Variants in HERC1 observed in about 807,000 individuals in gnomAD.
The protein encoded by HERC1 is probable E3 ubiquitin-protein ligase HERC1.
In HERC1, 160 loss-of-function variants were observed where a neutral mutation model predicts 554.3. The ratio of observed to expected loss-of-function variants is 0.29; its 90% CI spans 0.25 to 0.33. The LOEUF (loss-of-function observed/expected upper bound fraction) is 0.33. Among genes scored for constraint, HERC1 ranks in the 10% least tolerant of loss-of-function variants. The probability of loss-of-function intolerance (pLI) is 1.00; values close to 1 mark genes in which losing one functional copy is unlikely to be tolerated. For synonymous variants in HERC1, 2,175 were observed against 2,131.7 expected, an observed-to-expected ratio of 1.02 and a Z score of -0.56; for missense variants, 4,919 against 5,918.5, an observed-to-expected ratio of 0.83 and a Z score of 5.54.
intron 1 of HERC1, among the ~76,000 whole-genome samples, chr15:63,785,370 A>T (rs2076407474): frequency 6.6e-6 from 1 of 152,216 alleles, no homozygotes; most frequent in African/African-American, 2.4e-5. Context: ...GTGAGCTATA[A>T]GTGCACCACT....
chr15:63,643,317 G>A (rs1408460843), intron 58 of HERC1, 87 bp downstream of exon 58: 1 of 1,181,890 alleles, frequency 8.5e-7, no homozygotes, highest in Non-Finnish European at 1.2e-6. Context: ...TATATAAAAT[G>A]TTTCTACAAT....
chr15:63,791,925 A>T (rs759712973), intron 1 of HERC1, among the ~76,000 whole-genome samples: 3 of 152,240 alleles, frequency 2.0e-5, no homozygotes, highest in Non-Finnish European at 4.4e-5. Flanking sequence ...TCAAAAACAA[A>T]ATCACTGATT....
At chr15:63,646,699 T>C (rs189683904) in intron 55 of HERC1, among the ~76,000 whole-genome samples, 1 of 151,020 alleles carries the variant, frequency 6.6e-6, no homozygotes, top group African/African-American at 2.4e-5. Context: ...TCCCAGCTAC[T>C]CAGGAGGCTG....
Position 63,745,650 on chromosome 15 carries a change from T to C in HERC1, c.2520+1268A>G, listed in dbSNP as rs190180094. 1.1e-3 allele frequency among the ~76,000 whole-genome samples: 172 copies of C among 152,348 alleles called. 1 individual carries two copies. The highest frequency in any genetic ancestry group is 4.1e-3 in the African/African-American group (170 of 41,590). On this transcript the variant is annotated intron_variant, in intron 12 of 77. Transcript: ENST00000443617. ...GCAGGGGGAGGAGTGGCACTGCCTA[T>C]TCAGGACTGTTTTTTCTATCTCTTC...
At chr15:63,626,718 C>T (rs1261629026) in intron 70 of HERC1, among the ~76,000 whole-genome samples, 1 of 152,180 alleles carries the variant, frequency 6.6e-6, no homozygotes, top group Non-Finnish European at 1.5e-5. Flanking sequence ...CACAGCTACC[C>T]TCCTATAAAA....
rs188065121 is a variant in HERC1, at chr15:63,761,339, G to A, written c.1026+2757C>T. On this transcript the variant is annotated intron_variant, in intron 3 of 77. Transcript: ENST00000443617. ...TCACGTCTGTAATACCAGTACTTTG[G>A]GAGCCCGAGGTAGAAGGATCACTTG... Among the ~76,000 whole-genome samples, 196 of 152,218 alleles carry A rather than the reference G, an allele frequency of 1.3e-3. 3 individuals carry two copies. The highest frequency in any genetic ancestry group is 0.012 in the Admixed American group (180 of 15,282).
Position 63,770,378 on chromosome 15 carries a change from T to C in HERC1, c.930+4316A>G, listed in dbSNP as rs1179924066. 2.0e-5 allele frequency among the ~76,000 whole-genome samples: 3 copies of C among 152,164 alleles called. No individual in the cohort carries two copies. The East Asian group carries it at 5.8e-4, about 29-fold the overall frequency. On this transcript the variant is annotated intron_variant, in intron 2 of 77. Coordinates refer to ENST00000443617, the MANE Select transcript of HERC1 (RefSeq NM_003922.4). ...TCTACTATAGCCCATTATCATTAATTTGAAATGTCTGTGCATCCCTCTTTC... is the reference window on the plus strand; with the variant it reads ...TCTACTATAGCCCATTATCATTAATCTGAAATGTCTGTGCATCCCTCTTTC...
intron 6 of HERC1, among the ~76,000 whole-genome samples, chr15:63,754,889 C>T (rs762622478): frequency 2.6e-5 from 4 of 152,192 alleles, no homozygotes; most frequent in African/African-American, 4.8e-5. Context: ...CCCCTCACAG[C>T]ACTTACCTTG....
intron 1 of HERC1, among the ~76,000 whole-genome samples, chr15:63,821,002 G>A (rs1375468897): frequency 2.0e-5 from 3 of 152,130 alleles, no homozygotes; most frequent in South Asian, 2.1e-4. Flanking sequence ...TAGCACACTC[G>A]ATGAACAATT....
At chr15:63,649,650 A>C (rs986202617) in intron 54 of HERC1, 75 bp downstream of exon 54, 1 of 1,216,470 alleles carries the variant, frequency 8.2e-7, no homozygotes, top group African/African-American at 1.5e-5. Context: ...GTATTTTTAA[A>C]AGCAAATGCC....
intron 24 of HERC1, among the ~76,000 whole-genome samples, chr15:63,707,374 C>G (rs1349957329): frequency 6.6e-6 from 1 of 152,056 alleles, no homozygotes; most frequent in Non-Finnish European, 1.5e-5. Flanking sequence ...TTACAATAGA[C>G]AAATCTCAAA....
intron 51 of HERC1, among the ~76,000 whole-genome samples, chr15:63,653,566 T>C (rs906132864): frequency 6.6e-6 from 1 of 152,212 alleles, no homozygotes; most frequent in African/African-American, 2.4e-5. Flanking sequence ...CTGTGGGTGA[T>C]TGGTTCCATG....
intron 21 of HERC1, 129 bp from the exon 22 acceptor site, chr15:63,716,602 C>T (rs967155724): frequency 1.6e-5 from 11 of 675,160 alleles, no homozygotes; most frequent in African/African-American, 7.4e-5. Context: ...AACTTTACTA[C>T]AAAAACCCAA....
chr15:63,816,950 C>T (rs1424822456), intron 1 of HERC1, among the ~76,000 whole-genome samples: 1 of 152,090 alleles, frequency 6.6e-6, no homozygotes, highest in East Asian at 1.9e-4. Flanking sequence ...ACAAAAATCA[C>T]TCCTATGAAG....
chr15:63,617,133 T>C (rs1259251552), intron 74 of HERC1, among the ~76,000 whole-genome samples: 2 of 152,142 alleles, frequency 1.3e-5, no homozygotes, highest in Admixed American at 1.3e-4. Flanking sequence ...TAACATTAGG[T>C]ATATCTCCTA....
At chr15:63,787,290 G>A (rs915354654) in intron 1 of HERC1, among the ~76,000 whole-genome samples, 1 of 151,584 alleles carries the variant, frequency 6.6e-6, no homozygotes, top group African/African-American at 2.4e-5. Flanking sequence ...CCGAGTAGGT[G>A]GGACTACAGG....
chr15:63,670,587 TGA>T (rs1394095742), intron 39 of HERC1, among the ~76,000 whole-genome samples: 2 of 151,994 alleles, frequency 1.3e-5, no homozygotes, highest in Non-Finnish European at 2.9e-5. Flanking sequence ...ACAGAAGAAA[TGA>T]GGAGTCATAA....
chr15:63,619,935 C>A (rs1205241578), intron 74 of HERC1, among the ~76,000 whole-genome samples: 2 of 152,030 alleles, frequency 1.3e-5, no homozygotes, highest in African/African-American at 4.8e-5. Context: ...TTGATCTTTT[C>A]AAAAAACCAG....
At position 63,723,503 on chromosome 15, in the gene HERC1, T is replaced by C. The variant is rs2073908315; in HGVS notation, c.3569-148A>G. 3.8e-5 allele frequency: 23 copies of C among 601,916 alleles called. No individual in the cohort carries two copies. In the South Asian group the frequency reaches 5.5e-4, roughly 15 times the overall value. The allele number at this position is 601,916 out of a possible 1,614,324, so 37.3% of individuals were successfully genotyped here. On this transcript the variant is annotated intron_variant, in intron 18 of 77. Coordinates refer to ENST00000443617, the MANE Select transcript of HERC1 (RefSeq NM_003922.4). ...ACCAAGGTAAAGTCCTTTAATGTTT[T>C]TCAGTTGGAGGTAGTATCAACCCTT... is the stretch of plus-strand genomic sequence containing the variant.
Sources: gnomAD v4.1 joint callset for allele counts (sites outside exome capture counted in the v4.1 genomes callset) on GRCh38, gnomAD v4.1.1 for gene constraint, MANE v1.5 for transcripts, NCBI Gene and HGNC (gene_info 2026-07-23, HGNC 2026-07-21) for gene names.